EYS: variants seen among roughly 807,000 people sequenced by gnomAD.
EYS encodes protein eyes shut homolog.
In EYS, 250 loss-of-function variants were observed where a neutral mutation model predicts 282.1. That is an observed-to-expected ratio of 0.89 (90% CI 0.80 to 0.98). The LOEUF (loss-of-function observed/expected upper bound fraction) is 0.98. EYS is among the 50% of genes least tolerant of loss of function. EYS has a pLI of 0.00. For synonymous variants in EYS, 1,355 were observed against 1,282.9 expected, an observed-to-expected ratio of 1.06 and a Z score of -1.20; for missense variants, 4,016 against 3,709.0, an observed-to-expected ratio of 1.08 and a Z score of -2.15.
At chr6:65,246,786 G>C (rs1417642041) in intron 12 of EYS, among the ~76,000 whole-genome samples, 1 of 151,982 alleles carries the variant, frequency 6.6e-6, no homozygotes, top group East Asian at 1.9e-4. Context: ...AAACAACAAA[G>C]AATGGCTAAG....
At chr6:64,280,669 T>C (rs896405308) in intron 30 of EYS, among the ~76,000 whole-genome samples, 2 of 152,144 alleles carry the variant, frequency 1.3e-5, no homozygotes, top group African/African-American at 2.4e-5. Context: ...ATTCTCTAGA[T>C]TGCAAGAAAT....
chr6:63,947,984 A>G (rs949817787), intron 35 of EYS, among the ~76,000 whole-genome samples: 1 of 152,242 alleles, frequency 6.6e-6, no homozygotes, highest in Non-Finnish European at 1.5e-5. Context: ...CTCACATTAC[A>G]TTCTGCTGAG....
At chr6:64,150,624 CAAG>C (rs1485699538) in intron 31 of EYS, among the ~76,000 whole-genome samples, 4 of 152,220 alleles carry the variant, frequency 2.6e-5, no homozygotes, top group Admixed American at 6.5e-5. Flanking sequence ...ACCTCATAAA[CAAG>C]AGCCACAGAC....
intron 29 of EYS, among the ~76,000 whole-genome samples, chr6:64,359,837 A>G (rs902886191): frequency 2.6e-5 from 4 of 151,676 alleles, no homozygotes; most frequent in Admixed American, 2.6e-4. Context: ...AAATACAGTC[A>G]CATTGGGGAT....
chr6:65,191,412 C>A (rs1244999580), intron 12 of EYS, among the ~76,000 whole-genome samples: 2 of 151,810 alleles, frequency 1.3e-5, no homozygotes, highest in African/African-American at 4.8e-5. Context: ...GTAACAGCCA[C>A]TCCTACAACA....
At chr6:64,314,590 C>A (rs1769863050) in intron 29 of EYS, among the ~76,000 whole-genome samples, 1 of 152,104 alleles carries the variant, frequency 6.6e-6, no homozygotes, top group African/African-American at 2.4e-5. Context: ...GTCTCTCAAA[C>A]CATGGTGCAA....
chr6:64,396,452 A>G (rs1561971295), intron 28 of EYS, among the ~76,000 whole-genome samples: 1 of 151,992 alleles, frequency 6.6e-6, no homozygotes. Context: ...AATAATCAGA[A>G]GTTTTTCATC....
chr6:63,829,567 G>A (rs1771569027), intron 36 of EYS, among the ~76,000 whole-genome samples: 1 of 152,216 alleles, frequency 6.6e-6, no homozygotes, highest in South Asian at 2.1e-4. Flanking sequence ...CAGCTGGGAA[G>A]CTCAAACTGG....
At chr6:64,024,022 C>A (rs988066187) in intron 33 of EYS, among the ~76,000 whole-genome samples, 3 of 152,204 alleles carry the variant, frequency 2.0e-5, no homozygotes, top group Non-Finnish European at 4.4e-5. Context: ...CTCCCCCTCT[C>A]TCTGTGGGCT....
At position 63,765,061 on chromosome 6, in the gene EYS, T is replaced by TCTCTGCCC. The variant is rs574087615; in HGVS notation, c.7899-2429_7899-2428insGGGCAGAG. Among the ~76,000 whole-genome samples the TCTCTGCCC allele has an allele frequency of 7.5e-3, 1,135 of 152,156 alleles. 18 individuals carry two copies. Among genetic ancestry groups the TCTCTGCCC allele is most frequent in the African/African-American group, 0.026 (1,066 of 41,542 alleles). ...ACTCTGCCCTGAGGAGGAGTAGATTTTGTAGAAGTATGTGTGTGAGGTGAG... is the reference window on the plus strand; with the variant it reads ...ACTCTGCCCTGAGGAGGAGTAGATTTCTCTGCCCTGTAGAAGTATGTGTGTGAGGTGAG... On this transcript the variant is annotated intron_variant, in intron 40 of 42. Transcript: ENST00000503581.
chr6:65,584,555 A>T (rs1764977891), intron 2 of EYS, among the ~76,000 whole-genome samples: 1 of 151,920 alleles, frequency 6.6e-6, no homozygotes, highest in Admixed American at 6.6e-5. Context: ...AGAATTAGTA[A>T]CTTTTAGTTC....
chr6:64,818,360 CA>C (rs1405651632), intron 21 of EYS, among the ~76,000 whole-genome samples: 1 of 151,854 alleles, frequency 6.6e-6, no homozygotes, highest in African/African-American at 2.4e-5. Flanking sequence ...GTCACTTGGA[CA>C]AAAAACAAAA....
At chr6:63,975,067 CAGA>C in intron 35 of EYS, among the ~76,000 whole-genome samples, 1 of 150,530 alleles carries the variant, frequency 6.6e-6, no homozygotes, top group Middle Eastern at 3.4e-3. Flanking sequence ...ACTCCATTTT[CAGA>C]AGACCTGGCA....
intron 12 of EYS, among the ~76,000 whole-genome samples, chr6:65,136,861 T>C (rs1011719020): frequency 6.6e-6 from 1 of 151,994 alleles, no homozygotes; most frequent in African/African-American, 2.4e-5. Context: ...TTTGTATTTT[T>C]TGTAGAGATG....
At chr6:65,117,876 A>C (rs1775423408) in intron 12 of EYS, among the ~76,000 whole-genome samples, 1 of 152,208 alleles carries the variant, frequency 6.6e-6, no homozygotes, top group African/African-American at 2.4e-5. Context: ...TTTTTATTAC[A>C]TGAAAAATAT....
At chr6:64,635,032 C>T (rs1221291617) in intron 22 of EYS, among the ~76,000 whole-genome samples, 4 of 151,794 alleles carry the variant, frequency 2.6e-5, no homozygotes. Context: ...TTGAAGAGGT[C>T]CTTCACATCC....
intron 12 of EYS, among the ~76,000 whole-genome samples, chr6:65,235,917 T>C (rs1398308224): frequency 6.6e-6 from 1 of 152,134 alleles, no homozygotes; most frequent in East Asian, 1.9e-4. Flanking sequence ...GAATTTCTAT[T>C]ATGTTACTTA....
chr6:63,835,420 G>A (rs945973114), intron 36 of EYS, among the ~76,000 whole-genome samples: 2 of 151,828 alleles, frequency 1.3e-5, no homozygotes, highest in African/African-American at 4.8e-5. Flanking sequence ...AGTATTTGCA[G>A]TGACCTGGAT....
chr6:64,211,125 A>G (rs1204658481), intron 31 of EYS, among the ~76,000 whole-genome samples: 2 of 152,118 alleles, frequency 1.3e-5, no homozygotes, highest in African/African-American at 2.4e-5. Flanking sequence ...CTCAGCCTCC[A>G]TAAGTGCATG....
Sources: gnomAD v4.1 joint callset for allele counts (sites outside exome capture counted in the v4.1 genomes callset) on GRCh38, gnomAD v4.1.1 for gene constraint, MANE v1.5 for transcripts, NCBI Gene and HGNC (gene_info 2026-07-23, HGNC 2026-07-21) for gene names.